CSMD3: variants seen among roughly 807,000 people sequenced by gnomAD.
CSMD3 encodes CUB and Sushi multiple domains 3.
A neutral mutation model predicts 435.2 loss-of-function variants in CSMD3; 177 were observed. The observed-to-expected ratio is 0.41, with a 90% confidence interval of 0.36 to 0.46. The LOEUF (loss-of-function observed/expected upper bound fraction) is 0.46, where lower values mean the gene tolerates loss of function less well. Ranked by LOEUF, CSMD3 falls within the 20% of genes least tolerant of loss-of-function variation. The pLI, the probability that CSMD3 is intolerant of heterozygous loss-of-function variation, is 0.34. For missense variants in CSMD3, 4,265 were observed against 4,504.6 expected (o/e 0.95, Z 1.52); for synonymous variants, 1,656 against 1,520.5 (o/e 1.09, Z -2.07).
At position 113,275,089 on chromosome 8, in the gene CSMD3, A is replaced by T. The variant is rs568727067; in HGVS notation, c.514+3503T>A. ...CTCTTTTAATCACCATCATGATACTATCAATATTGTAATTCATATGTATAG... is the reference window on the plus strand; with the variant it reads ...CTCTTTTAATCACCATCATGATACTTTCAATATTGTAATTCATATGTATAG... On this transcript the variant is annotated intron_variant, in intron 3 of 70. Coordinates refer to ENST00000297405, the MANE Select transcript of CSMD3 (RefSeq NM_198123.2). 5.3e-5 allele frequency among the ~76,000 whole-genome samples: 8 copies of T among 152,258 alleles called. No homozygotes were observed. The South Asian group carries it at 1.2e-3, about 24-fold the overall frequency.
At chr8:113,360,774 C>T (rs913024562) in intron 1 of CSMD3, among the ~76,000 whole-genome samples, 6 of 151,678 alleles carry the variant, frequency 4.0e-5, no homozygotes, top group African/African-American at 1.5e-4. Context: ...GGGGTTTCAC[C>T]TTGTTAGCCA....
chr8:112,485,857 C>T (rs760677066), intron 31 of CSMD3, among the ~76,000 whole-genome samples: 8 of 151,762 alleles, frequency 5.3e-5, no homozygotes, highest in African/African-American at 1.5e-4. Flanking sequence ...GCCAGAAGAC[C>T]GCTGGATGTC....
chr8:112,737,579 T>C (rs1389856156), intron 13 of CSMD3, among the ~76,000 whole-genome samples: 1 of 151,884 alleles, frequency 6.6e-6, no homozygotes, highest in Non-Finnish European at 1.5e-5. Context: ...TTTATGCCCA[T>C]TGTGTGATTG....
intron 38 of CSMD3, among the ~76,000 whole-genome samples, chr8:112,371,001 T>C (rs1247911848): frequency 6.6e-6 from 1 of 152,064 alleles, no homozygotes. Context: ...CTGGGTTGAT[T>C]TGATCAATGA....
intron 10 of CSMD3, among the ~76,000 whole-genome samples, chr8:112,868,864 G>C (rs947405176): frequency 6.6e-6 from 1 of 152,022 alleles, no homozygotes; most frequent in Non-Finnish European, 1.5e-5. Flanking sequence ...AAATTAGCTT[G>C]AAATGGATTA....
At position 113,133,522 on chromosome 8, in the gene CSMD3, G is replaced by T. The variant is rs76517691; in HGVS notation, c.710-34559C>A. Among the ~76,000 whole-genome samples the T allele has an allele frequency of 5.9e-5, 9 of 152,164 alleles. No homozygotes were observed. The East Asian group carries it at 1.5e-3, about 26-fold the overall frequency. On this transcript the variant is annotated intron_variant, in intron 4 of 70. Transcript: ENST00000297405. ...AACTTATGTGGAAAATAGAATGGAGGTTCCTTGGAAAAATTAAAAATAGAA... is the reference window on the plus strand; with the variant it reads ...AACTTATGTGGAAAATAGAATGGAGTTTCCTTGGAAAAATTAAAAATAGAA...
intron 5 of CSMD3, among the ~76,000 whole-genome samples, chr8:113,038,956 T>C (rs181964265): frequency 4.2e-4 from 64 of 152,312 alleles, no homozygotes; most frequent in Admixed American, 3.5e-3. Flanking sequence ...AAATGGGGAA[T>C]GAGTCTCTGT....
intron 6 of CSMD3, among the ~76,000 whole-genome samples, chr8:112,978,390 G>C (rs1410164299): frequency 6.6e-6 from 1 of 151,888 alleles, no homozygotes; most frequent in Non-Finnish European, 1.5e-5. Flanking sequence ...AGGGGGCTTA[G>C]GCTGCTTCTC....
rs145359379 is a variant in CSMD3, at chr8:112,266,793, T to C, written c.9509-1203A>G. On this transcript the variant is annotated intron_variant, in intron 59 of 70. Coordinates refer to ENST00000297405, the MANE Select transcript of CSMD3 (RefSeq NM_198123.2). ...ACAAAGATTATATATGTCACACAAGTGATAACTGTTTTGAGGCACAGGATT... is the reference window on the plus strand; with the variant it reads ...ACAAAGATTATATATGTCACACAAGCGATAACTGTTTTGAGGCACAGGATT... 3.3e-3 allele frequency among the ~76,000 whole-genome samples: 496 copies of C among 152,256 alleles called. 4 individuals are homozygous for C. The highest frequency in any genetic ancestry group is 0.01 in the Middle Eastern group (3 of 294).
intron 10 of CSMD3, among the ~76,000 whole-genome samples, chr8:112,887,494 AT>A (rs1388026577): frequency 6.6e-6 from 1 of 151,338 alleles, no homozygotes; most frequent in Non-Finnish European, 1.5e-5. Flanking sequence ...GTAGTATGTG[AT>A]TTTTTTCATG....
At chr8:112,545,509 A>AAAAAAAAAAAT (rs1355880773) in intron 27 of CSMD3, among the ~76,000 whole-genome samples, 1 of 141,140 alleles carries the variant, frequency 7.1e-6, no homozygotes, top group East Asian at 2.1e-4. Flanking sequence ...AAAAATAATA[A>AAAAAAAAAAAT]TAATAATAAT....
At chr8:112,281,752 C>T (rs1268856603) in intron 58 of CSMD3, among the ~76,000 whole-genome samples, 1 of 152,066 alleles carries the variant, frequency 6.6e-6, no homozygotes, top group Non-Finnish European at 1.5e-5. Context: ...AGATTTATTA[C>T]ATTTATATTT....
chr8:112,952,584 A>C (rs952727475), intron 8 of CSMD3, among the ~76,000 whole-genome samples: 1 of 151,596 alleles, frequency 6.6e-6, no homozygotes, highest in South Asian at 2.1e-4. Context: ...TTTTGAAATG[A>C]GTTATTAAAT....
intron 10 of CSMD3, among the ~76,000 whole-genome samples, chr8:112,873,540 T>G: frequency 6.6e-6 from 1 of 152,036 alleles, no homozygotes; most frequent in East Asian, 1.9e-4. Context: ...ACCTCTGAGC[T>G]CCTTTATGTC....
chr8:113,069,405 T>C (rs1359549765), intron 5 of CSMD3, among the ~76,000 whole-genome samples: 2 of 152,156 alleles, frequency 1.3e-5, no homozygotes, highest in African/African-American at 4.8e-5. Context: ...TATAGTTATA[T>C]AGTAATATGG....
At chr8:113,354,662 C>T (rs1168471714) in intron 1 of CSMD3, among the ~76,000 whole-genome samples, 7 of 152,042 alleles carry the variant, frequency 4.6e-5, no homozygotes, top group South Asian at 2.1e-4. Context: ...TTTCTTGAAA[C>T]GGAGTCCAAC....
chr8:112,521,215 C>T (rs1824245831), intron 27 of CSMD3, among the ~76,000 whole-genome samples: 1 of 151,900 alleles, frequency 6.6e-6, no homozygotes, highest in Non-Finnish European at 1.5e-5. Context: ...AGCTGCTTTC[C>T]CATTTCTCTG....
chr8:112,581,113 A>C (rs1830306356), intron 23 of CSMD3, among the ~76,000 whole-genome samples: 1 of 152,098 alleles, frequency 6.6e-6, no homozygotes, highest in African/African-American at 2.4e-5. Context: ...ACATCATTTA[A>C]TTTAAAAACA....
intron 13 of CSMD3, among the ~76,000 whole-genome samples, chr8:112,793,963 G>T (rs1264539828): frequency 2.0e-5 from 3 of 152,000 alleles, no homozygotes. Flanking sequence ...TGTTTATCAG[G>T]GTTCATTTAG....
Sources: allele counts gnomAD v4.1 joint callset (sites outside exome capture counted in the v4.1 genomes callset), GRCh38; gene constraint gnomAD v4.1.1; transcripts MANE v1.5; gene names NCBI Gene and HGNC (gene_info 2026-07-23, HGNC 2026-07-21).